Variants in PUS7 observed in about 807,000 individuals in gnomAD.
PUS7 encodes pseudouridylate synthase 7 homolog.
In PUS7, 48 loss-of-function variants were observed where a neutral mutation model predicts 79.8. The observed-to-expected ratio is 0.60, with a 90% confidence interval of 0.48 to 0.76. The LOEUF is 0.76. Among genes scored for constraint, PUS7 ranks in the 30% least tolerant of loss-of-function variants. PUS7 has a pLI of 0.00. For synonymous variants in PUS7, 286 were observed against 272.2 expected (o/e 1.05, Z -0.50); for missense variants, 729 against 797.6 (o/e 0.91, Z 1.04).
intron 5 of PUS7, among the ~76,000 whole-genome samples, chr7:105,497,945 G>A (rs1825103283): frequency 6.6e-6 from 1 of 152,228 alleles, no homozygotes; most frequent in South Asian, 2.1e-4. Flanking sequence ...AAAAGTTGAT[G>A]AAGTGTAGCT....
chr7:105,517,010 T>C (rs1226877058), intron 1 of PUS7, among the ~76,000 whole-genome samples: 1 of 152,008 alleles, frequency 6.6e-6, no homozygotes, highest in Non-Finnish European at 1.5e-5. Context: ...AAGAAAAAAT[T>C]TTAAGAAAAC....
chr7:105,505,003 A>ATTTTTTTTTTTTTTTTTTTT lies in PUS7; in HGVS notation c.585+951_585+952insAAAAAAAAAAAAAAAAAAAA, dbSNP rs112752687. Among the ~76,000 whole-genome samples the ATTTTTTTTTTTTTTTTTTTT allele has an allele frequency of 6.2e-3, 879 of 142,484 alleles. 13 individuals carry two copies. Among genetic ancestry groups the ATTTTTTTTTTTTTTTTTTTT allele is most frequent in the South Asian group, 0.013 (55 of 4,358 alleles). 93.5% of individuals were successfully genotyped at this position (142,484 alleles called of 152,430 possible). ...TGTAGTACAAAATTAATTTAACATA[A>ATTTTTTTTTTTTTTTTTTTT]TTTTTTTTTTTTTTTGATATGGAGT... On this transcript the variant is annotated intron_variant, in intron 4 of 15. Coordinates refer to ENST00000469408, the MANE Select transcript of PUS7 (RefSeq NM_019042.5).
Position 105,503,058 on chromosome 7 carries a change from C to T in PUS7, c.586-494G>A, listed in dbSNP as rs1453619570. Among the ~76,000 whole-genome samples the T allele has an allele frequency of 2.0e-5, 3 of 152,320 alleles. No individual in the cohort carries two copies. In the South Asian group the frequency reaches 6.2e-4, roughly 32 times the overall value. The stretch of plus-strand genomic sequence containing the variant: ...ATCCCGGGAGCCTGTTGATGGAGCA[C>T]ATCCATCTGCCAGACACTGTACAAA... On this transcript the variant is annotated intron_variant, in intron 4 of 15. Coordinates refer to ENST00000469408, the MANE Select transcript of PUS7 (RefSeq NM_019042.5).
intron 5 of PUS7, among the ~76,000 whole-genome samples, chr7:105,496,222 T>TAGAGAGAGAGAGAGAGAGAGAG (rs1203551594): frequency 3.5e-5 from 3 of 85,048 alleles, no homozygotes; most frequent in East Asian, 3.7e-4. Context: ...TATATATATA[T>TAGAGAGAGAGAGAGAGAGAGAG]ATATAGAGAG....
chr7:105,464,676 C>A (rs1823565088), intron 13 of PUS7, among the ~76,000 whole-genome samples: 1 of 152,152 alleles, frequency 6.6e-6, no homozygotes, highest in Admixed American at 6.6e-5. Flanking sequence ...ATTGGCTTCC[C>A]TGGTTCTCAG....
At chr7:105,517,252 G>A (rs1825931028) in intron 1 of PUS7, among the ~76,000 whole-genome samples, 1 of 151,580 alleles carries the variant, frequency 6.6e-6, no homozygotes, top group African/African-American at 2.4e-5. Context: ...CACCTCCTGG[G>A]TTCAAGTGAT....
intron 12 of PUS7, among the ~76,000 whole-genome samples, chr7:105,465,655 AAAC>A (rs1305504543): frequency 6.6e-6 from 1 of 151,968 alleles, no homozygotes; most frequent in Non-Finnish European, 1.5e-5. Flanking sequence ...CAACATGGAG[AAAC>A]CCCGTCTCTA....
chr7:105,465,605 G>A (rs1823608062), intron 12 of PUS7, among the ~76,000 whole-genome samples, 191 bp from the exon 13 acceptor site: 1 of 152,128 alleles, frequency 6.6e-6, no homozygotes, highest in Non-Finnish European at 1.5e-5. Flanking sequence ...GGCCAAGGTG[G>A]GTGGATCACC....
At chr7:105,464,163 T>C (rs1823543904) in intron 13 of PUS7, among the ~76,000 whole-genome samples, 1 of 152,244 alleles carries the variant, frequency 6.6e-6, no homozygotes, top group Admixed American at 6.5e-5. Context: ...ACTGGCAAAG[T>C]TCCTGATCCC....
Position 105,468,352 on chromosome 7 carries a change from G to C in PUS7, c.1510C>G (p.Leu504Val). Residue 504 changes from leucine (L) to valine (V), a missense_variant, in exon 12 of 16, where the codon CTC (leucine) becomes GTC (valine). Physicochemically the swap from Leu to Val is conservative, Grantham distance 32. Transcript: ENST00000469408. ...GCCTTTTTACCTCCTTTGAGAACGA[G>C]GTCCCCTGGAACAGGTTTTAGTCCA... ...DYGLKPVPGD[L>V]VLKGATATYI... is the part of the protein sequence containing the mutation. The C allele has an allele frequency of 1.2e-6, 2 of 1,612,630 alleles. No individual in the cohort carries two copies. The highest frequency in any genetic ancestry group is 1.7e-6 in the Non-Finnish European group (2 of 1,179,546).
At chr7:105,511,442 TAAA>T (rs754392662) in intron 1 of PUS7, among the ~76,000 whole-genome samples, 5 of 106,796 alleles carry the variant, frequency 4.7e-5, no homozygotes, top group African/African-American at 8.6e-5. Flanking sequence ...AATTTTCATT[TAAA>T]AAAAAAAAAA....
At chr7:105,516,821 G>A (rs888595686) in intron 1 of PUS7, among the ~76,000 whole-genome samples, 2 of 151,972 alleles carry the variant, frequency 1.3e-5, no homozygotes, top group Non-Finnish European at 2.9e-5. Flanking sequence ...ACATAGAAGA[G>A]GCCTGAGAGA....
rs1375759924 is a variant in PUS7 at position 105,470,974 on chromosome 7, T to C, written c.1238-126A>G. ...TTGAAATATAGGTGCTGTTTATAGC[T>C]ACCACTCATCTGAGGAAGCGCAAAG... is the stretch of plus-strand genomic sequence containing the variant. On this transcript the variant is annotated intron_variant, in intron 10 of 15. Transcript: ENST00000469408. 1.4e-5 allele frequency: 15 copies of C among 1,040,014 alleles called. No individual in the cohort carries two copies. In the East Asian group the frequency reaches 1.6e-4, roughly 11 times the overall value. 64.4% of individuals were successfully genotyped at this position (1,040,014 alleles called of 1,614,324 possible). A position where few individuals can be genotyped will look rare whatever the true frequency, so the allele number is the denominator to read the frequency against.
At chr7:105,512,261 T>C (rs1482410111) in intron 1 of PUS7, among the ~76,000 whole-genome samples, 1 of 150,882 alleles carries the variant, frequency 6.6e-6, no homozygotes, top group Admixed American at 6.6e-5. Context: ...TACATAAAAG[T>C]ATCCCTAATT....
At chr7:105,492,877 A>G (rs1824855549) in intron 6 of PUS7, among the ~76,000 whole-genome samples, 1 of 150,802 alleles carries the variant, frequency 6.6e-6, no homozygotes, top group East Asian at 2.0e-4. Flanking sequence ...GCTCGACCTC[A>G]GGTGATCCAC....
intron 9 of PUS7, among the ~76,000 whole-genome samples, chr7:105,479,176 T>C (rs1562796703): frequency 6.6e-6 from 1 of 152,254 alleles, no homozygotes; most frequent in African/African-American, 2.4e-5. Flanking sequence ...ATTGGTATTA[T>C]TATCTCCATT....
chr7:105,460,415 T>C (rs1022491952), intron 14 of PUS7, among the ~76,000 whole-genome samples: 9 of 152,126 alleles, frequency 5.9e-5, no homozygotes, highest in Admixed American at 5.2e-4. Context: ...TGTGGACCTC[T>C]TGCCTATACT....
chr7:105,490,108 G>C (rs897381724), intron 7 of PUS7, among the ~76,000 whole-genome samples: 2 of 112,312 alleles, frequency 1.8e-5, no homozygotes, highest in African/African-American at 6.9e-5. Context: ...GACACAGCAA[G>C]ACTAAAAAAA....
intron 1 of PUS7, among the ~76,000 whole-genome samples, chr7:105,510,007 G>A (rs898559089): frequency 6.6e-6 from 1 of 152,046 alleles, no homozygotes; most frequent in Admixed American, 6.6e-5. Context: ...TCAAAAAACT[G>A]ATTAATATTG....
Sources: gnomAD v4.1 joint callset for allele counts (sites outside exome capture counted in the v4.1 genomes callset) on GRCh38, gnomAD v4.1.1 for gene constraint, MANE v1.5 for transcripts, NCBI Gene and HGNC (gene_info 2026-07-23, HGNC 2026-07-21) for gene names.